The following TRAT1 variants were observed in gnomAD, a reference collection of about 807,000 sequenced individuals.
The protein encoded by TRAT1 is T-cell receptor-associated transmembrane adapter 1.
TRAT1 carries 20 observed loss-of-function variants against 20.0 expected under a neutral mutation model. The observed-to-expected ratio is 1.00, with a 90% CI of 0.70 to 1.45. TRAT1 has a LOEUF of 1.45. Among genes scored for constraint, TRAT1 ranks in the 40% most tolerant of loss-of-function variants. The probability of loss-of-function intolerance (pLI) is 0.00; values close to 1 mark genes in which losing one functional copy is unlikely to be tolerated. For synonymous variants in TRAT1, 77 were observed against 74.2 expected, an observed-to-expected ratio of 1.04 and a Z score of -0.20; for missense variants, 237 against 224.1, an observed-to-expected ratio of 1.06 and a Z score of -0.37.
chr3:108,838,339 TGATAGATATAGATAGATGATA>T (rs1945857205), intron 2 of TRAT1, among the ~76,000 whole-genome samples: 1 of 89,976 alleles, frequency 1.1e-5, no homozygotes, highest in Admixed American at 1.0e-4. Flanking sequence ...GATAGATAGA[TGATAGATATAGATAGATGATA>T]GATAGATAGA....
chr3:108,853,533 T>G, intron 5 of TRAT1, 87 bp from the exon 6 acceptor site: 1 of 1,484,796 alleles, frequency 6.7e-7, no homozygotes, highest in Non-Finnish European at 9.1e-7. Context: ...GAAAACAAGT[T>G]ACTTGGTTTT....
chr3:108,836,077 G>A (rs947226686), intron 2 of TRAT1, among the ~76,000 whole-genome samples: 29 of 151,874 alleles, frequency 1.9e-4, no homozygotes, highest in African/African-American at 5.3e-4. Flanking sequence ...ATGCCACCAT[G>A]CCCAGCTAAT....
chr3:108,829,015 T>G (rs566587622), intron 1 of TRAT1, among the ~76,000 whole-genome samples: 7 of 152,306 alleles, frequency 4.6e-5, no homozygotes, highest in African/African-American at 1.4e-4. Flanking sequence ...CAGCATCTGA[T>G]GAGTGAATGA....
intron 5 of TRAT1, among the ~76,000 whole-genome samples, chr3:108,853,202 A>G (rs1576526894): frequency 1.3e-5 from 2 of 152,228 alleles, no homozygotes; most frequent in African/African-American, 4.8e-5. Flanking sequence ...TGTTAGGTAC[A>G]TGTAAAGTAG....
intron 1 of TRAT1, among the ~76,000 whole-genome samples, chr3:108,828,430 T>C (rs1945762345): frequency 6.6e-6 from 1 of 152,110 alleles, no homozygotes; most frequent in African/African-American, 2.4e-5. Flanking sequence ...GGGATATGAT[T>C]AGTTCACAAA....
At chr3:108,841,926 C>T (rs1298189172) in intron 3 of TRAT1, among the ~76,000 whole-genome samples, 1 of 152,096 alleles carries the variant, frequency 6.6e-6, no homozygotes, top group African/African-American at 2.4e-5. Context: ...TTAGTGGATT[C>T]GTAGTCTTGG....
intron 2 of TRAT1, 135 bp downstream of exon 2, chr3:108,830,915 C>A: frequency 3.2e-6 from 2 of 626,230 alleles, no homozygotes; most frequent in Non-Finnish European, 5.6e-6. Context: ...AATCTATTTG[C>A]TAATTTTTCT....
chr3:108,846,919 C>T (rs1945952018), intron 3 of TRAT1, 149 bp from the exon 4 acceptor site: 2 of 600,332 alleles, frequency 3.3e-6, no homozygotes, highest in Admixed American at 3.5e-5. Flanking sequence ...CGTGTTCACT[C>T]ACTTGCACAA....
chr3:108,823,752 C>A (rs1163053369), intron 1 of TRAT1, among the ~76,000 whole-genome samples: 4 of 152,108 alleles, frequency 2.6e-5, no homozygotes, highest in Non-Finnish European at 4.4e-5. Flanking sequence ...ACTAACATAA[C>A]CATGTCCCTT....
At chr3:108,826,633 T>C (rs1945742606) in intron 1 of TRAT1, among the ~76,000 whole-genome samples, 1 of 152,066 alleles carries the variant, frequency 6.6e-6, no homozygotes, top group African/African-American at 2.4e-5. Context: ...AGTAGACTCA[T>C]GGGGATCATA....
chr3:108,846,682 G>T (rs1945946249), intron 3 of TRAT1, among the ~76,000 whole-genome samples: 1 of 152,170 alleles, frequency 6.6e-6, no homozygotes, highest in Non-Finnish European at 1.5e-5. Context: ...CAAGTCATAT[G>T]ACCTCTCTGT....
At chr3:108,834,283 C>T (rs1211833937) in intron 2 of TRAT1, among the ~76,000 whole-genome samples, 1 of 152,190 alleles carries the variant, frequency 6.6e-6, no homozygotes, top group Non-Finnish European at 1.5e-5. Context: ...CTGGAACTTG[C>T]ATTTTATTGG....
intron 3 of TRAT1, 56 bp downstream of exon 3, chr3:108,839,023 A>G (rs1346589402): frequency 1.5e-6 from 2 of 1,327,746 alleles, no homozygotes; most frequent in Admixed American, 1.7e-5. Context: ...AAAAGTAACA[A>G]TGCTATATTG....
intron 1 of TRAT1, among the ~76,000 whole-genome samples, chr3:108,825,526 G>A (rs1380270981): frequency 1.3e-5 from 2 of 152,076 alleles, no homozygotes; most frequent in Non-Finnish European, 2.9e-5. Flanking sequence ...GACTAGGTGG[G>A]ACTAACGTGT....
At chr3:108,838,335 T>C (rs1038188548) in intron 2 of TRAT1, among the ~76,000 whole-genome samples, 37 of 100,798 alleles carry the variant, frequency 3.7e-4, no homozygotes, top group African/African-American at 2.7e-3. Context: ...GATAGATAGA[T>C]AGATGATAGA....
chr3:108,846,999 C>A, intron 3 of TRAT1, 69 bp from the exon 4 acceptor site: 1 of 1,054,532 alleles, frequency 9.5e-7, no homozygotes, highest in Non-Finnish European at 1.4e-6. Context: ...TTGAATTTAG[C>A]TGAGAAGTCA....
At chr3:108,828,016 T>C (rs1468090811) in intron 1 of TRAT1, among the ~76,000 whole-genome samples, 16 of 152,170 alleles carry the variant, frequency 1.1e-4, no homozygotes, top group Admixed American at 1.0e-3. Context: ...TCTCTTTAAT[T>C]GGAAAGGAGA....
At chr3:108,833,521 A>G (rs888868210) in intron 2 of TRAT1, among the ~76,000 whole-genome samples, 1 of 152,206 alleles carries the variant, frequency 6.6e-6, no homozygotes, top group Non-Finnish European at 1.5e-5. Context: ...GCATGCCATA[A>G]GCAGCTCTAT....
intron 2 of TRAT1, 77 bp from the exon 3 acceptor site, chr3:108,838,857 C>T: frequency 1.7e-6 from 2 of 1,176,200 alleles, no homozygotes; most frequent in South Asian, 2.5e-5. Flanking sequence ...CTAAACTCCC[C>T]TCAGAACACA....
Sources: allele counts gnomAD v4.1 joint callset (sites outside exome capture counted in the v4.1 genomes callset), GRCh38; gene constraint gnomAD v4.1.1; transcripts MANE v1.5; gene names NCBI Gene and HGNC (gene_info 2026-07-23, HGNC 2026-07-21).